SNX24: variants seen among roughly 807,000 people sequenced by gnomAD.
SNX24 encodes the protein sorting nexin-24.
A neutral mutation model predicts 28.7 loss-of-function variants in SNX24; 22 were observed. The observed-to-expected ratio is 0.77, with a 90% CI of 0.55 to 1.10. The LOEUF is 1.10. SNX24 is among the 50% of genes least tolerant of loss of function. SNX24 has a pLI of 0.00. For missense variants in SNX24, 221 were observed against 201.1 expected (o/e 1.10, Z -0.60); for synonymous variants, 69 against 71.5 (o/e 0.96, Z 0.18).
At chr5:122,954,848 G>A (rs1337992668) in intron 3 of SNX24, among the ~76,000 whole-genome samples, 2 of 152,034 alleles carry the variant, frequency 1.3e-5, no homozygotes, top group Non-Finnish European at 2.9e-5. Context: ...GTGTCTTGGT[G>A]TGTATTTAAG....
chr5:122,889,116 G>T (rs1756840835), intron 1 of SNX24, among the ~76,000 whole-genome samples: 1 of 152,130 alleles, frequency 6.6e-6, no homozygotes, highest in Non-Finnish European at 1.5e-5. Context: ...GCCTCCCAAA[G>T]TTCTGGATAA....
intron 1 of SNX24, among the ~76,000 whole-genome samples, chr5:122,876,159 C>T (rs1581695510): frequency 6.6e-6 from 1 of 152,148 alleles, no homozygotes; most frequent in South Asian, 2.1e-4. Flanking sequence ...TGCTTTTCTT[C>T]AAGTGATTTT....
chr5:122,985,112 A>G (rs1761544014), intron 3 of SNX24, among the ~76,000 whole-genome samples: 1 of 152,190 alleles, frequency 6.6e-6, no homozygotes, highest in Non-Finnish European at 1.5e-5. Context: ...ATTTAGATGA[A>G]CAATGGCTTA....
chr5:122,969,746 C>A (rs764576493), intron 3 of SNX24, among the ~76,000 whole-genome samples: 31 of 152,142 alleles, frequency 2.0e-4, no homozygotes, highest in Non-Finnish European at 4.3e-4. Flanking sequence ...AAAACATTCA[C>A]GATAGGAGAC....
chr5:123,018,736 G>C (rs1762721495), intron 5 of SNX24, among the ~76,000 whole-genome samples: 1 of 151,854 alleles, frequency 6.6e-6, no homozygotes, highest in East Asian at 1.9e-4. Context: ...GCCCAGGCTG[G>C]AGTGCAGTGG....
intron 3 of SNX24, among the ~76,000 whole-genome samples, chr5:122,959,774 C>A (rs1760394653): frequency 6.6e-6 from 1 of 151,672 alleles, no homozygotes; most frequent in African/African-American, 2.4e-5. Context: ...ACTCGGGGTT[C>A]ATTATCTCAT....
chr5:123,018,768 C>A (rs948788326), intron 5 of SNX24, among the ~76,000 whole-genome samples: 1 of 151,790 alleles, frequency 6.6e-6, no homozygotes, highest in Non-Finnish European at 1.5e-5. Flanking sequence ...CTCACTGCAA[C>A]CTCCGCCTCC....
intron 1 of SNX24, chr5:122,853,761 T>TA (rs1315215802): frequency 5.9e-6 from 2 of 339,712 alleles, no homozygotes; most frequent in Admixed American, 7.2e-5. Flanking sequence ...ATGCTGGCAT[T>TA]ACAGCCGTAA....
chr5:122,916,809 G>A lies in SNX24; in HGVS notation c.61-19925G>A, dbSNP rs141637676. On this transcript the variant is annotated intron_variant, in intron 1 of 6. Coordinates refer to ENST00000261369, the MANE Select transcript of SNX24 (RefSeq NM_014035.4). ...GGAAACTGTCAATTCAGCCTTATCG[G>A]GGGGTGTGATTTGGGATGTGGGCTC... Among the ~76,000 whole-genome samples the A allele has an allele frequency of 2.6e-3, 396 of 152,238 alleles. 1 individual carries two copies. The highest frequency in any genetic ancestry group is 9.2e-3 in the African/African-American group (381 of 41,538).
intron 1 of SNX24, among the ~76,000 whole-genome samples, chr5:122,866,049 G>C (rs1012863403): frequency 6.6e-6 from 1 of 152,192 alleles, no homozygotes; most frequent in Non-Finnish European, 1.5e-5. Flanking sequence ...TTTGTTTGCT[G>C]TATATACATA....
At chr5:122,910,764 C>T (rs969847181) in intron 1 of SNX24, among the ~76,000 whole-genome samples, 21 of 151,770 alleles carry the variant, frequency 1.4e-4, no homozygotes, top group Non-Finnish European at 2.8e-4. Flanking sequence ...TGATGATTTC[C>T]AATTTCATCC....
chr5:122,877,994 T>C (rs187175657), intron 1 of SNX24, among the ~76,000 whole-genome samples: 28 of 152,288 alleles, frequency 1.8e-4, no homozygotes, highest in Middle Eastern at 3.4e-3. Flanking sequence ...GAATCTGGCT[T>C]TTCCTGGACT....
At chr5:123,026,449 A>C (rs760123524) in intron 5 of SNX24, among the ~76,000 whole-genome samples, 6 of 152,186 alleles carry the variant, frequency 3.9e-5, no homozygotes, top group Non-Finnish European at 8.8e-5. Flanking sequence ...ATATATACCC[A>C]CACCGAATTC....
Position 123,004,090 on chromosome 5 carries a change from C to G in SNX24, c.442+2086C>G, listed in dbSNP as rs115411471. Among the ~76,000 whole-genome samples, 9 of 152,266 alleles carry G rather than the reference C, an allele frequency of 5.9e-5. No individual in the cohort carries two copies. The South Asian group carries it at 1.9e-3, about 32-fold the overall frequency. ...AAGGTTATTATTCCAGAGGATATTG[C>G]GTATGGAAATTTCTTCACAGATGTA... On this transcript the variant is annotated intron_variant, in intron 6 of 6. Coordinates refer to ENST00000261369, the MANE Select transcript of SNX24 (RefSeq NM_014035.4).
At chr5:122,964,890 A>G (rs1306002111) in intron 3 of SNX24, among the ~76,000 whole-genome samples, 1 of 152,314 alleles carries the variant, frequency 6.6e-6, no homozygotes, top group East Asian at 1.9e-4. Flanking sequence ...ATAATATCCT[A>G]TACTGTGGAT....
chr5:122,857,068 A>G (rs888778165), intron 1 of SNX24, among the ~76,000 whole-genome samples: 3 of 151,438 alleles, frequency 2.0e-5, no homozygotes, highest in Non-Finnish European at 4.4e-5. Flanking sequence ...CTGGAGTGCA[A>G]TGGCAAGATC....
chr5:122,946,156 A>C lies in SNX24; in HGVS notation c.246A>C (p.Leu82Phe). The change falls in exon 3 of 7, where the codon TTA becomes TTC. Residue 82 changes from leucine (L) to phenylalanine (F), a missense_variant. Physicochemically the swap from Leu to Phe is conservative, Grantham distance 22. Transcript: ENST00000261369. The part of the protein sequence containing the change: ...EQRRQGLETY[L>F]QAVILENEEL... The stretch of plus-strand genomic sequence containing the variant: ...GACGACAAGGCTTGGAAACATACTT[A>C]CAGGTAAGATATGTTTAGATCCTCA... 1 of 1,561,880 alleles carries C rather than the reference A, an allele frequency of 6.4e-7. No individual in the cohort carries two copies. Among genetic ancestry groups the C allele is most frequent in the Non-Finnish European group, 8.8e-7 (1 of 1,134,204 alleles).
intron 2 of SNX24, among the ~76,000 whole-genome samples, chr5:122,942,310 C>G (rs1404192600): frequency 1.3e-5 from 2 of 152,096 alleles, no homozygotes; most frequent in Non-Finnish European, 2.9e-5. Flanking sequence ...GTGTTTAATT[C>G]CATGAAGTAG....
chr5:122,915,453 C>T (rs139657111), intron 1 of SNX24, among the ~76,000 whole-genome samples: 50 of 152,212 alleles, frequency 3.3e-4, no homozygotes, highest in African/African-American at 1.2e-3. Context: ...TAGCAAGTCC[C>T]CATCTCTACA....
Sources: allele counts gnomAD v4.1 joint callset (sites outside exome capture counted in the v4.1 genomes callset), GRCh38; gene constraint gnomAD v4.1.1; transcripts MANE v1.5; gene names NCBI Gene and HGNC (gene_info 2026-07-23, HGNC 2026-07-21).